The following CERS4 variants were observed in gnomAD, a reference collection of about 807,000 sequenced individuals.
CERS4 encodes the protein LAG1 homolog, ceramide synthase 4.
Under a neutral mutation model 51.8 loss-of-function variants are expected in CERS4, and 65 were observed. The ratio of observed to expected loss-of-function variants is 1.26; its 90% confidence interval spans 1.03 to 1.54. The LOEUF (loss-of-function observed/expected upper bound fraction) is 1.54, where lower values mean the gene tolerates loss of function less well. CERS4 is among the 40% of genes most tolerant of loss of function. CERS4 has a pLI of 0.00. For missense variants in CERS4, 563 were observed against 500.4 expected (o/e 1.13, Z -1.19); for synonymous variants, 228 against 208.4 (o/e 1.09, Z -0.81).
At chr19:8,254,216 G>A (rs1036639969) in intron 3 of CERS4, among the ~76,000 whole-genome samples, 11 of 150,094 alleles carry the variant, frequency 7.3e-5, no homozygotes, top group South Asian at 6.4e-4. Flanking sequence ...CCAGCTACTC[G>A]GGAGGCTGAG....
chr19:8,255,023 G>A (rs1167929794), intron 4 of CERS4, among the ~76,000 whole-genome samples: 1 of 152,176 alleles, frequency 6.6e-6, no homozygotes, highest in Non-Finnish European at 1.5e-5. Flanking sequence ...TGGAAGGTCT[G>A]AGCTGATAGG....
At chr19:8,221,165 C>A (rs984708340) in intron 2 of CERS4, among the ~76,000 whole-genome samples, 14 of 150,488 alleles carry the variant, frequency 9.3e-5, no homozygotes, top group Non-Finnish European at 1.9e-4. Context: ...GACAGGGTCT[C>A]GCTATGTTGC....
At chr19:8,261,358 GA>G (rs1969693194) in intron 10 of CERS4, 1 of 306,660 alleles carries the variant, frequency 3.3e-6, no homozygotes, top group African/African-American at 2.1e-5. Context: ...GCCTGCTGAT[GA>G]AGGGGAGGTG....
At chr19:8,213,865 T>C (rs1007785936) in intron 2 of CERS4, among the ~76,000 whole-genome samples, 29 of 150,142 alleles carry the variant, frequency 1.9e-4, no homozygotes, top group African/African-American at 6.9e-4. Context: ...ACTTGGGAGG[T>C]TGAGACAGGA....
At chr19:8,218,522 G>T (rs1967398176) in intron 2 of CERS4, among the ~76,000 whole-genome samples, 2 of 152,202 alleles carry the variant, frequency 1.3e-5, no homozygotes, top group African/African-American at 2.4e-5. Context: ...GTGGCTGCGG[G>T]AGGGCAGACA....
chr19:8,254,517 G>T lies in CERS4; in HGVS notation c.192G>T (p.Leu64=). 1 of 1,613,760 alleles carries T rather than the reference G, an allele frequency of 6.2e-7. No individual in the cohort carries two copies. Among genetic ancestry groups the T allele is most frequent in the Non-Finnish European group, 8.5e-7 (1 of 1,179,962 alleles). ...LAFERFIGLP[L]SRWLGVRDQT... ...CACCCAGATTCATTGGCCTGCCCCTGAGCCGGTGGCTGGGTGTGAGGGATC... is the reference window on the plus strand; with the variant it reads ...CACCCAGATTCATTGGCCTGCCCCTTAGCCGGTGGCTGGGTGTGAGGGATC... The change falls in exon 4 of 12, where the codon CTG becomes CTT. Residue 64 remains leucine (L), a synonymous_variant. Coordinates refer to ENST00000251363, the MANE Select transcript of CERS4 (RefSeq NM_024552.3).
intron 2 of CERS4, among the ~76,000 whole-genome samples, chr19:8,219,063 T>TG (rs1416691411): frequency 1.3e-5 from 2 of 151,830 alleles, no homozygotes; most frequent in African/African-American, 4.8e-5. Flanking sequence ...AAAAATTAGC[T>TG]GGGCATGGTG....
chr19:8,219,821 A>G (rs1322759224), intron 2 of CERS4, among the ~76,000 whole-genome samples: 1 of 148,484 alleles, frequency 6.7e-6, no homozygotes, highest in Non-Finnish European at 1.5e-5. Flanking sequence ...CTCTGTTTCA[A>G]AAAAAAAAAA....
At chr19:8,219,437 C>G (rs1200620865) in intron 2 of CERS4, among the ~76,000 whole-genome samples, 1 of 151,686 alleles carries the variant, frequency 6.6e-6, no homozygotes, top group Non-Finnish European at 1.5e-5. Context: ...GGCTGAGGCT[C>G]AAGTATGGCT....
At chr19:8,258,058 GGT>G (rs1969491564) in intron 10 of CERS4, 73 bp downstream of exon 10, 1 of 1,189,874 alleles carries the variant, frequency 8.4e-7, no homozygotes, top group African/African-American at 1.5e-5. Context: ...CCTCACCATT[GGT>G]ACCCTGCCCC....
intron 2 of CERS4, among the ~76,000 whole-genome samples, chr19:8,215,797 G>A (rs950408179): frequency 1.3e-5 from 2 of 152,210 alleles, no homozygotes; most frequent in Admixed American, 6.5e-5. Context: ...TCTGGCAGGT[G>A]TGATGAGCCA....
At chr19:8,249,595 T>TC (rs1311148641) in intron 2 of CERS4, among the ~76,000 whole-genome samples, 1 of 137,908 alleles carries the variant, frequency 7.3e-6, no homozygotes, top group East Asian at 2.2e-4. Context: ...GGATTTTTTT[T>TC]TTTTTTTTTT....
At chr19:8,260,386 T>A (rs958056562) in intron 10 of CERS4, among the ~76,000 whole-genome samples, 22 of 130,494 alleles carry the variant, frequency 1.7e-4, no homozygotes, top group African/African-American at 5.8e-4. Flanking sequence ...TTTTTTTTTT[T>A]AGTAGAGATG....
At chr19:8,212,827 T>C (rs1282416970) in intron 2 of CERS4, among the ~76,000 whole-genome samples, 1 of 150,392 alleles carries the variant, frequency 6.6e-6, no homozygotes, top group Non-Finnish European at 1.5e-5. Flanking sequence ...TTAGTAGAGA[T>C]GAAGGGGGGT....
intron 4 of CERS4, among the ~76,000 whole-genome samples, chr19:8,255,385 G>T (rs575240309): frequency 8.7e-4 from 133 of 152,238 alleles, no homozygotes; most frequent in South Asian, 1.9e-3. Context: ...CCCCGTCAGC[G>T]ACCTGCCTGC....
Position 8,255,821 on chromosome 19 carries a change from G to A in CERS4, c.411-1G>A, listed in dbSNP as rs748220989. The stretch of plus-strand genomic sequence containing the variant: ...TTTCACAGCTCCCTCCCCATCCACA[G>A]CTGGAGGTTTCTCTTCTACCTGTCC... On this transcript the variant is annotated splice_acceptor_variant, in intron 5 of 11. Coordinates refer to ENST00000251363, the MANE Select transcript of CERS4 (RefSeq NM_024552.3). LOFTEE classifies it high-confidence loss of function. The A allele has an allele frequency of 6.2e-7, 1 of 1,613,952 alleles. No individual in the cohort carries two copies. The highest frequency in any genetic ancestry group is 1.1e-5 in the South Asian group (1 of 91,084).
At chr19:8,258,210 G>A (rs1331604833) in intron 10 of CERS4, among the ~76,000 whole-genome samples, 1 of 152,198 alleles carries the variant, frequency 6.6e-6, no homozygotes, top group Non-Finnish European at 1.5e-5. Flanking sequence ...CATGCAGTGG[G>A]AGGAAGGGTC....
intron 2 of CERS4, among the ~76,000 whole-genome samples, chr19:8,249,333 C>G (rs984382458): frequency 6.6e-6 from 1 of 152,100 alleles, no homozygotes; most frequent in South Asian, 2.1e-4. Flanking sequence ...TGAGTGGGAA[C>G]CACTGTGGTA....
intron 10 of CERS4, among the ~76,000 whole-genome samples, chr19:8,258,856 AG>A (rs1173864070): frequency 1.4e-5 from 2 of 146,164 alleles, no homozygotes; most frequent in African/African-American, 2.5e-5. Context: ...CAAATTGGCC[AG>A]GTGTGATGGC....
Sources: gnomAD v4.1 joint callset for allele counts (sites outside exome capture counted in the v4.1 genomes callset) on GRCh38, gnomAD v4.1.1 for gene constraint, MANE v1.5 for transcripts, NCBI Gene and HGNC (gene_info 2026-07-23, HGNC 2026-07-21) for gene names.